The following CAMTA1 variants were observed in gnomAD, a reference collection of about 807,000 sequenced individuals.
CAMTA1 encodes calmodulin-binding transcription activator 1.
A neutral mutation model predicts 170.9 loss-of-function variants in CAMTA1; 27 were observed. The ratio of observed to expected loss-of-function variants is 0.16; its 90% confidence interval spans 0.12 to 0.22. The LOEUF (loss-of-function observed/expected upper bound fraction) is 0.22. Ranked by LOEUF, CAMTA1 falls within the 10% of genes least tolerant of loss-of-function variation. The pLI is 1.00. For missense variants in CAMTA1, 1,619 were observed against 2,217.2 expected (o/e 0.73, Z 5.42); for synonymous variants, 833 against 891.5 (o/e 0.93, Z 1.17).
rs191290255 is a variant in CAMTA1 at position 7,645,826 on chromosome 1, G to T, written c.664+5273G>T. 3.8e-3 allele frequency among the ~76,000 whole-genome samples: 572 copies of T among 152,384 alleles called. 2 individuals are homozygous for T. Among genetic ancestry groups the T allele is most frequent in the African/African-American group, 0.013 (548 of 41,598 alleles). ...TACGCCCACACCACACAAGTGCTCT[G>T]TGCACCTCCATGCTTCTGCACGGGC... On this transcript the variant is annotated intron_variant, in intron 7 of 22. Transcript: ENST00000303635.
At chr1:7,257,712 A>AG (rs1237911995) in intron 5 of CAMTA1, among the ~76,000 whole-genome samples, 4 of 95,868 alleles carry the variant, frequency 4.2e-5, no homozygotes, top group African/African-American at 1.3e-4. Context: ...GATAAACAAC[A>AG]GTTTTTTTTT....
At chr1:7,000,573 G>A (rs2100613219) in intron 3 of CAMTA1, among the ~76,000 whole-genome samples, 1 of 152,292 alleles carries the variant, frequency 6.6e-6, no homozygotes, top group Admixed American at 6.5e-5. Context: ...CAGCTTATGG[G>A]GCTCCTATCC....
chr1:7,030,839 GT>G (rs35126919), intron 3 of CAMTA1, among the ~76,000 whole-genome samples: 40,096 of 144,070 alleles, frequency 0.28, 5,342 homozygotes, highest in African/African-American at 0.31. Flanking sequence ...CATCCTTAAT[GT>G]TTTTTTTTTT....
rs961053151 is a variant in CAMTA1, at chr1:7,665,830, C to T, written c.2652+631C>T. Among the ~76,000 whole-genome samples the T allele has an allele frequency of 1.3e-5, 2 of 151,258 alleles. No individual in the cohort carries two copies. Among genetic ancestry groups the T allele is most frequent in the Non-Finnish European group, 3.0e-5 (2 of 67,782 alleles). ...TTGAGTCCATCTATGTTTTGCTTTG[C>T]TTTTTTTTTGAAAAGGGGTCCCAGG... On this transcript the variant is annotated intron_variant, in intron 9 of 22. Coordinates refer to ENST00000303635, the MANE Select transcript of CAMTA1 (RefSeq NM_015215.4). This position sits in a 1 kb window ranked among gnomAD's most constrained non-coding sequence, Gnocchi z 4.3.
At chr1:6,998,206 T>C (rs934191856) in intron 3 of CAMTA1, among the ~76,000 whole-genome samples, 8 of 152,106 alleles carry the variant, frequency 5.3e-5, no homozygotes, top group Non-Finnish European at 8.8e-5. Context: ...GCCTCCCGAG[T>C]AGCTGGGACT....
At position 7,103,910 on chromosome 1, in the gene CAMTA1, G is replaced by A. The variant is rs563556277; in HGVS notation, c.302+12539G>A. Among the ~76,000 whole-genome samples, 166 of 112,530 alleles carry A rather than the reference G, an allele frequency of 1.5e-3. 1 individual carries two copies. The highest frequency in any genetic ancestry group is 5.0e-3 in the African/African-American group (136 of 27,474). The allele number at this position is 112,530 out of a possible 152,430, so 73.8% of individuals were successfully genotyped here. A position where few individuals can be genotyped will look rare whatever the true frequency, so the allele number is the denominator to read the frequency against. On this transcript the variant is annotated intron_variant, in intron 4 of 22. Transcript: ENST00000303635. ...GTACACACAACACACAACTACACGCGCACTCACACATACACACAACTACAC... is the reference window on the plus strand; with the variant it reads ...GTACACACAACACACAACTACACGCACACTCACACATACACACAACTACAC...
intron 6 of CAMTA1, among the ~76,000 whole-genome samples, chr1:7,535,831 C>G (rs1275303160): frequency 6.6e-6 from 1 of 152,166 alleles, no homozygotes; most frequent in Non-Finnish European, 1.5e-5. Context: ...TTCAAAGAGG[C>G]TTCTACCCCA....
At chr1:6,787,369 T>A (rs955035960) in intron 1 of CAMTA1, among the ~76,000 whole-genome samples, 1 of 152,228 alleles carries the variant, frequency 6.6e-6, no homozygotes, top group African/African-American at 2.4e-5. Flanking sequence ...TTTCTTTAGA[T>A]CTTGTAGCTT....
intron 3 of CAMTA1, among the ~76,000 whole-genome samples, chr1:6,891,668 A>G (rs1674515299): frequency 6.6e-6 from 1 of 152,234 alleles, no homozygotes; most frequent in Admixed American, 6.5e-5. Context: ...TGCATCTTCA[A>G]AAAACAAAAC....
chr1:6,895,130 C>T (rs954534093), intron 3 of CAMTA1, among the ~76,000 whole-genome samples: 39 of 152,238 alleles, frequency 2.6e-4, no homozygotes, highest in African/African-American at 8.4e-4. Flanking sequence ...GGTGTCTGTC[C>T]GGACAGGGTG....
At chr1:7,285,186 A>G (rs984946649) in intron 5 of CAMTA1, among the ~76,000 whole-genome samples, 2 of 152,172 alleles carry the variant, frequency 1.3e-5, no homozygotes, top group African/African-American at 4.8e-5. Flanking sequence ...CCCTGCCCCT[A>G]TCACCACTGA....
At chr1:7,568,388 C>A (rs1241219281) in intron 6 of CAMTA1, among the ~76,000 whole-genome samples, 2 of 151,384 alleles carry the variant, frequency 1.3e-5, no homozygotes, top group East Asian at 2.0e-4. Flanking sequence ...ATCACCATCA[C>A]CACCACCATC....
chr1:6,942,441 T>C (rs896481312), intron 3 of CAMTA1, among the ~76,000 whole-genome samples: 4 of 152,066 alleles, frequency 2.6e-5, no homozygotes, highest in African/African-American at 7.2e-5. Flanking sequence ...GAGGATCACT[T>C]GAGTCCAGGA....
intron 4 of CAMTA1, among the ~76,000 whole-genome samples, chr1:7,181,159 C>T (rs1380106219): frequency 6.6e-6 from 1 of 152,116 alleles, no homozygotes; most frequent in African/African-American, 2.4e-5. Flanking sequence ...ATGATTATCT[C>T]CATAAATACT....
At chr1:7,553,118 AG>A (rs2094825822) in intron 6 of CAMTA1, among the ~76,000 whole-genome samples, 3 of 150,772 alleles carry the variant, frequency 2.0e-5, no homozygotes, top group South Asian at 2.1e-4. Context: ...TGAACGAATG[AG>A]TGAGTGAGTA....
Position 7,665,509 on chromosome 1 carries a change from T to A in CAMTA1, c.2652+310T>A, listed in dbSNP as rs2095993390. Among the ~76,000 whole-genome samples, 2 of 151,504 alleles carry A rather than the reference T, an allele frequency of 1.3e-5. No individual in the cohort carries two copies. The highest frequency in any genetic ancestry group is 4.2e-4 in the South Asian group (2 of 4,798). On this transcript the variant is annotated intron_variant, in intron 9 of 22. Coordinates refer to ENST00000303635, the MANE Select transcript of CAMTA1 (RefSeq NM_015215.4). This position sits in a 1 kb window ranked among gnomAD's most constrained non-coding sequence, Gnocchi z 4.3. ...CAGGAGGATCATCTGAGCCAAGGAGTTCCAAACCAACCTGGGCAACGTAGT... is the reference window on the plus strand; with the variant it reads ...CAGGAGGATCATCTGAGCCAAGGAGATCCAAACCAACCTGGGCAACGTAGT...
At position 6,902,073 on chromosome 1, in the gene CAMTA1, A is replaced by ACACACACACAC. The variant is rs772368106; in HGVS notation, c.234+76863_234+76864insCACACACACAC. Among the ~76,000 whole-genome samples, 307 of 78,372 alleles carry ACACACACACAC rather than the reference A, an allele frequency of 3.9e-3. 2 individuals carry two copies. The highest frequency in any genetic ancestry group is 0.011 in the African/African-American group (269 of 25,404). The allele number at this position is 78,372 out of a possible 152,430, so 51.4% of individuals were successfully genotyped here. On this transcript the variant is annotated intron_variant, in intron 3 of 22. Coordinates refer to ENST00000303635, the MANE Select transcript of CAMTA1 (RefSeq NM_015215.4). ...CACACACACACACACACACACACAC[A>ACACACACACAC]AAAAAAAAAATAAAAATAAAAACTC...
intron 6 of CAMTA1, among the ~76,000 whole-genome samples, chr1:7,611,339 T>C (rs565501708): frequency 3.9e-5 from 6 of 152,348 alleles, no homozygotes; most frequent in Non-Finnish European, 7.3e-5. Context: ...CTGAGTTTTC[T>C]GGCACCCCCT....
intron 1 of CAMTA1, among the ~76,000 whole-genome samples, chr1:6,803,418 CTTG>C (rs574755182): frequency 3.0e-4 from 45 of 152,270 alleles, no homozygotes; most frequent in African/African-American, 1.1e-3. Context: ...CCTCTGATCT[CTTG>C]TTGTTCTTGA....
Sources: allele counts gnomAD v4.1 joint callset (sites outside exome capture counted in the v4.1 genomes callset), GRCh38; gene constraint gnomAD v4.1.1; non-coding constraint Gnocchi (gnomAD v3.1); transcripts MANE v1.5; gene names NCBI Gene and HGNC (gene_info 2026-07-23, HGNC 2026-07-21).